The following NDC80 variants were observed in gnomAD, a reference collection of about 807,000 sequenced individuals.
NDC80 encodes NDC80 kinetochore complex component.
Under a neutral mutation model 89.3 loss-of-function variants are expected in NDC80, and 69 were observed. That is an observed-to-expected ratio of 0.77 (90% CI 0.64 to 0.94). The LOEUF (loss-of-function observed/expected upper bound fraction) is 0.94, where lower values mean the gene tolerates loss of function less well. NDC80 is among the 40% of genes least tolerant of loss of function. The probability of loss-of-function intolerance (pLI) is 0.00; values close to 1 mark genes in which losing one functional copy is unlikely to be tolerated. For missense variants in NDC80, 593 were observed against 739.6 expected (o/e 0.80, Z 2.30); for synonymous variants, 243 against 255.6 (o/e 0.95, Z 0.47).
chr18:2,603,142 A>T (rs2072692359), intron 13 of NDC80, among the ~76,000 whole-genome samples: 1 of 151,962 alleles, frequency 6.6e-6, no homozygotes, highest in Non-Finnish European at 1.5e-5. Flanking sequence ...TAAGAAGGAG[A>T]TCAGGGCTGA....
chr18:2,605,811 A>G (rs1157857973), intron 13 of NDC80, among the ~76,000 whole-genome samples: 2 of 152,134 alleles, frequency 1.3e-5, no homozygotes, highest in African/African-American at 2.4e-5. Flanking sequence ...AACATTCTCT[A>G]TTAATTGCTG....
intron 13 of NDC80, among the ~76,000 whole-genome samples, chr18:2,601,690 T>C (rs1171033630): frequency 6.6e-6 from 1 of 152,098 alleles, no homozygotes; most frequent in Non-Finnish European, 1.5e-5. Flanking sequence ...ACATCACATA[T>C]GATGAAGCGA....
rs1480024216 is a variant in NDC80 at position 2,599,294 on chromosome 18, T to C, written c.1374+123T>C. ...AGGAATAAAACACTGAAACTGTATC[T>C]TCTTTCTTCTCGGTCATAGAAATCT... is the stretch of plus-strand genomic sequence containing the variant. On this transcript the variant is annotated intron_variant, in intron 12 of 16. Transcript: ENST00000261597. 5.6e-6 allele frequency: 4 copies of C among 719,098 alleles called. No homozygotes were observed. In the Admixed American group the frequency reaches 1.5e-4, roughly 28 times the overall value. 44.5% of individuals were successfully genotyped at this position (719,098 alleles called of 1,614,324 possible).
At chr18:2,611,960 CT>C (rs1322349163) in intron 16 of NDC80, among the ~76,000 whole-genome samples, 1 of 151,802 alleles carries the variant, frequency 6.6e-6, no homozygotes, top group Admixed American at 6.6e-5. Context: ...GTTCTACCCA[CT>C]TTCTAATTCA....
rs548059454 is a variant in NDC80, at chr18:2,595,665, C to G, written c.1221+44C>G. 2.6e-6 allele frequency: 4 copies of G among 1,556,500 alleles called. No individual in the cohort carries two copies. The South Asian group carries it at 4.5e-5, about 18-fold the overall frequency. ...AGAGTGGCAACTCATCATAGCTGACCTTTCTGAAGGTCTGTCCCAATTAAG... is the reference window on the plus strand; with the variant it reads ...AGAGTGGCAACTCATCATAGCTGACGTTTCTGAAGGTCTGTCCCAATTAAG... On this transcript the variant is annotated intron_variant, in intron 11 of 16. Transcript: ENST00000261597.
At chr18:2,589,168 T>A in intron 8 of NDC80, 36 bp from the exon 9 acceptor site, 7 of 1,342,052 alleles carry the variant, frequency 5.2e-6, no homozygotes, top group Non-Finnish European at 7.5e-6. Flanking sequence ...CTAGGCGGAT[T>A]TGAGGTCTTA....
chr18:2,607,055 A>C (rs189841892), intron 14 of NDC80, among the ~76,000 whole-genome samples: 183 of 152,282 alleles, frequency 1.2e-3, no homozygotes, highest in African/African-American at 4.3e-3. Flanking sequence ...TACACAATTC[A>C]TGTGAAAATT....
At position 2,603,566 on chromosome 18, in the gene NDC80, A is replaced by T. The variant is rs1488243575; in HGVS notation, c.1464+2081A>T. On this transcript the variant is annotated intron_variant, in intron 13 of 16. Coordinates refer to ENST00000261597, the MANE Select transcript of NDC80 (RefSeq NM_006101.3). Reference sequence around the variant, plus strand: ...TATAAAGAAATTAATAAATTAGAGTAACAAAACATTTAACCTGAAAAGTAT... The same window carrying T: ...TATAAAGAAATTAATAAATTAGAGTTACAAAACATTTAACCTGAAAAGTAT... 2.0e-5 allele frequency among the ~76,000 whole-genome samples: 3 copies of T among 151,754 alleles called. No individual in the cohort carries two copies. In the East Asian group the frequency reaches 5.8e-4, roughly 29 times the overall value.
In NDC80 at chr18:2,591,280, C is replaced by T. The variant is rs75501936; in HGVS notation, c.1015+1118C>T. Among the ~76,000 whole-genome samples, 1,046 of 152,290 alleles carry T rather than the reference C, an allele frequency of 6.9e-3. 17 individuals carry two copies. The highest frequency in any genetic ancestry group is 0.024 in the African/African-American group (990 of 41,546). ...CATAAAATTCTGTAAAACACTATGG[C>T]ACATGCAATTGCTTGATTCTTCTGC... is the stretch of plus-strand genomic sequence containing the variant. On this transcript the variant is annotated intron_variant, in intron 10 of 16. Transcript: ENST00000261597.
chr18:2,598,949 G>C (rs2072670561), intron 11 of NDC80, 70 bp from the exon 12 acceptor site: 1 of 1,396,618 alleles, frequency 7.2e-7, no homozygotes. Flanking sequence ...TAAAATTTTA[G>C]AAATGTCAAT....
chr18:2,596,064 G>A (rs1289975603), intron 11 of NDC80, among the ~76,000 whole-genome samples: 1 of 152,184 alleles, frequency 6.6e-6, no homozygotes, highest in Non-Finnish European at 1.5e-5. Flanking sequence ...CCCATGAAAT[G>A]AGACCTCTAA....
At chr18:2,598,871 C>A in intron 11 of NDC80, 148 bp from the exon 12 acceptor site, 1 of 673,064 alleles carries the variant, frequency 1.5e-6, no homozygotes. Flanking sequence ...TATTTTAAAA[C>A]TGCTACTCTT....
At chr18:2,599,740 C>T (rs1363868627) in intron 12 of NDC80, among the ~76,000 whole-genome samples, 1 of 152,158 alleles carries the variant, frequency 6.6e-6, no homozygotes, top group Non-Finnish European at 1.5e-5. Flanking sequence ...TCTATTGTAA[C>T]TTGTCAGTTA....
chr18:2,583,708 A>AG (rs2072589947), intron 6 of NDC80, among the ~76,000 whole-genome samples: 1 of 151,762 alleles, frequency 6.6e-6, no homozygotes, highest in Non-Finnish European at 1.5e-5. Flanking sequence ...AAAAAAAAAA[A>AG]AAAAAATCTG....
chr18:2,606,531 G>T, intron 14 of NDC80, 24 bp downstream of exon 14: 1 of 1,499,976 alleles, frequency 6.7e-7, no homozygotes. Context: ...CACAGTTTGC[G>T]TAGGTTATCA....
chr18:2,593,140 T>C (rs144041638), intron 10 of NDC80, among the ~76,000 whole-genome samples: 1,693 of 150,554 alleles, frequency 0.011, 36 homozygotes, highest in African/African-American at 0.039. Context: ...CTGCAACTTC[T>C]GTCTCCTGGG....
chr18:2,585,279 C>A, intron 7 of NDC80, 77 bp downstream of exon 7: 1 of 1,109,270 alleles, frequency 9.0e-7, no homozygotes, highest in Non-Finnish European at 1.4e-6. Flanking sequence ...AATACAGATG[C>A]CCCTCGACTT....
intron 16 of NDC80, among the ~76,000 whole-genome samples, chr18:2,611,244 T>C (rs1314767491): frequency 6.6e-6 from 1 of 152,100 alleles, no homozygotes; most frequent in East Asian, 1.9e-4. Flanking sequence ...AGACAGGGTT[T>C]CATCTTGTTG....
At chr18:2,572,191 A>G (rs1251838182) in intron 1 of NDC80, among the ~76,000 whole-genome samples, 2 of 152,250 alleles carry the variant, frequency 1.3e-5, no homozygotes, top group African/African-American at 4.8e-5. Context: ...GAAGAGTCTA[A>G]TCAGTGTAAA....
Sources: gnomAD v4.1 joint callset for allele counts (sites outside exome capture counted in the v4.1 genomes callset) on GRCh38, gnomAD v4.1.1 for gene constraint, MANE v1.5 for transcripts, NCBI Gene and HGNC (gene_info 2026-07-23, HGNC 2026-07-21) for gene names.